Variants in UNC13D observed in about 807,000 individuals in gnomAD.
UNC13D encodes protein unc-13 homolog D.
In UNC13D, 115 loss-of-function variants were observed where a neutral mutation model predicts 151.7. The ratio of observed to expected loss-of-function variants is 0.76; its 90% CI spans 0.65 to 0.88. The LOEUF (loss-of-function observed/expected upper bound fraction) is 0.88. Among genes scored for constraint, UNC13D ranks in the 40% least tolerant of loss-of-function variants. The pLI, the probability that UNC13D is intolerant of heterozygous loss-of-function variation, is 0.00. For synonymous variants in UNC13D, 588 were observed against 612.2 expected, an observed-to-expected ratio of 0.96 and a Z score of 0.58; for missense variants, 1,369 against 1,438.7, an observed-to-expected ratio of 0.95 and a Z score of 0.78.
At chr17:75,828,393 T>G (rs1222255182) in intron 31 of UNC13D, among the ~76,000 whole-genome samples, 5 of 152,242 alleles carry the variant, frequency 3.3e-5, no homozygotes, top group Admixed American at 3.3e-4. Context: ...AACCTTTTCA[T>G]GCCTCGGTTT....
chr17:75,840,223 AC>A lies in UNC13D; in HGVS notation c.858+1del. 3 of 1,613,768 alleles carry A rather than the reference AC, an allele frequency of 1.9e-6. No homozygotes were observed. Among genetic ancestry groups the A allele is most frequent in the Non-Finnish European group, 2.5e-6 (3 of 1,179,960 alleles). On this transcript the variant is annotated splice_donor_variant, in intron 10 of 31. Coordinates refer to ENST00000207549, the MANE Select transcript of UNC13D (RefSeq NM_199242.3). LOFTEE classifies it high-confidence loss of function. The surrounding 1 kb of genome is among the most constrained non-coding windows in gnomAD (Gnocchi z 4.6). Reference sequence around the variant, plus strand: ...TGGCCACTGGCCCAGTACCCGACCTACCCGCTTATGGATGAGTTGGAACTGG... The same window carrying A: ...TGGCCACTGGCCCAGTACCCGACCTACCGCTTATGGATGAGTTGGAACTGG...
At chr17:75,835,801 C>T (rs192373745) in intron 18 of UNC13D, 24 bp from the exon 19 acceptor site, 295 of 1,613,950 alleles carry the variant, frequency 1.8e-4, no homozygotes, top group Non-Finnish European at 2.4e-4. Flanking sequence ...GTGTGGAGGG[C>T]GGGGCCCACA....
Position 75,840,983 on chromosome 17 carries a change from G to T in UNC13D, c.588C>A (p.Thr196=), listed in dbSNP as rs755016891. The change falls in exon 7 of 32, where the codon ACC becomes ACA. Residue 196 remains threonine, a synonymous_variant. Transcript: ENST00000207549. This position sits in a 1 kb window ranked among gnomAD's most constrained non-coding sequence, Gnocchi z 4.6. The part of the protein sequence containing the change: ...ETFILEFEDI[T]NASFHLDMWD... ...ACATGTCCAGATGAAAGCTCGCATT[G>T]GTGATGTCCTCAAACTCCCTGTATG... is the stretch of plus-strand genomic sequence containing the variant. 2 of 1,613,858 alleles carry T rather than the reference G, an allele frequency of 1.2e-6. No homozygotes were observed. The highest frequency in any genetic ancestry group is 1.7e-6 in the Non-Finnish European group (2 of 1,180,022).
intron 1 of UNC13D, 103 bp downstream of exon 1, chr17:75,844,118 C>T (rs1255551891): frequency 1.3e-6 from 2 of 1,530,560 alleles, no homozygotes; most frequent in Non-Finnish European, 1.8e-6. Context: ...TCGCTGGTCC[C>T]CAGTCCCAGC....
intron 30 of UNC13D, among the ~76,000 whole-genome samples, chr17:75,829,389 G>A (rs1000886861): frequency 8.5e-5 from 13 of 152,062 alleles, no homozygotes; most frequent in African/African-American, 2.7e-4. Flanking sequence ...TCCGCCTCCC[G>A]GGTTCAAGTG....
intron 23 of UNC13D, 82 bp from the exon 24 acceptor site, chr17:75,834,225 G>T: frequency 6.3e-7 from 1 of 1,590,418 alleles, no homozygotes; most frequent in Non-Finnish European, 8.5e-7. Context: ...GAGTTTAGAC[G>T]CACGAAGGGG....
chr17:75,844,233 T>G lies in UNC13D; in HGVS notation c.105A>C (p.Gln35His). The G allele has an allele frequency of 6.2e-7, 1 of 1,612,006 alleles. No individual in the cohort carries two copies. The highest frequency in any genetic ancestry group is 1.1e-5 in the South Asian group (1 of 91,086). ...RVRDLQDPPPQMAPEIQPPSH... is the reference protein window; with the variant it reads ...RVRDLQDPPPHMAPEIQPPSH... ...AGGTCACTCCTACCTCCGGGGCCAT[T>G]TGGGGCGGGGGATCCTGTAGATCTC... Residue 35 changes from glutamine to histidine, a missense_variant, in exon 1 of 32, where the codon CAA becomes CAC. Physicochemically the swap from Gln to His is conservative, Grantham distance 24. Transcript: ENST00000207549.
rs746078075 is a variant in UNC13D, at chr17:75,843,186, G to A, written c.234C>T (p.Ala78=). 6 of 1,612,312 alleles carry A rather than the reference G, an allele frequency of 3.7e-6. No individual in the cohort carries two copies. The South Asian group carries it at 6.6e-5, about 18-fold the overall frequency. ...GHPEPNHVTE[A]SELLRYLQEA... is the part of the protein sequence containing the mutation. ...CCTGCAGGTATCGCAGCAGCTCAGA[G>A]GCCTCCGTCACATGGTTGGGCTCAG... is the stretch of plus-strand genomic sequence containing the variant. Residue 78 remains alanine (A), a synonymous_variant, in exon 3 of 32, where the codon GCC becomes GCT. Transcript: ENST00000207549.
At position 75,830,171 on chromosome 17, in the gene UNC13D, T is replaced by C. The variant is rs149809768; in HGVS notation, c.2831-20A>G. 1.3e-6 allele frequency: 2 copies of C among 1,583,044 alleles called. No individual in the cohort carries two copies. Among genetic ancestry groups the C allele is most frequent in the African/African-American group, 2.7e-5 (2 of 74,024 alleles). ...TGGAGCCTGGTAAGTGGCCGGGGAG[T>C]GTGCGTCAGCTGAGGGTCTCCCAGG... On this transcript the variant is annotated intron_variant, in intron 29 of 31. Transcript: ENST00000207549.
Position 75,840,359 on chromosome 17 carries a change from C to G in UNC13D, c.754-30G>C, listed in dbSNP as rs777308467. 6.2e-7 allele frequency: 1 copy of G among 1,611,002 alleles called. No individual in the cohort carries two copies. The highest frequency in any genetic ancestry group is 1.3e-5 in the African/African-American group (1 of 74,842). On this transcript the variant is annotated intron_variant, in intron 9 of 31. Coordinates refer to ENST00000207549, the MANE Select transcript of UNC13D (RefSeq NM_199242.3). The surrounding 1 kb of genome is among the most constrained non-coding windows in gnomAD (Gnocchi z 4.6). ...CAGGCGGGGATGCCCAGCCCGTGAG[C>G]GTCAGAACCTCATAGAGTCGGGGCA...
chr17:75,827,498 G>A lies in UNC13D; in HGVS notation c.*467C>T, dbSNP rs1436079819. 6.6e-7 allele frequency: 1 copy of A among 1,518,184 alleles called. No homozygotes were observed. Among genetic ancestry groups the A allele is most frequent in the East Asian group, 2.5e-5 (1 of 40,618 alleles). The allele number at this position is 1,518,184 out of a possible 1,614,324, so 94.0% of individuals were successfully genotyped here. A position where few individuals can be genotyped will look rare whatever the true frequency, so the allele number is the denominator to read the frequency against. ...GTAATGGCCACCACCCTCCCCCCAG[G>A]GCAGCTGGAGCCTCATCTTTGGCAG... On this transcript the variant is annotated 3_prime_UTR_variant, in exon 32 of 32. Coordinates refer to ENST00000207549, the MANE Select transcript of UNC13D (RefSeq NM_199242.3).
chr17:75,830,413 G>T lies in UNC13D; in HGVS notation c.2779C>A (p.Leu927Met). 6.3e-7 allele frequency: 1 copy of T among 1,588,872 alleles called. No individual in the cohort carries two copies. Among genetic ancestry groups the T allele is most frequent in the Non-Finnish European group, 8.6e-7 (1 of 1,169,226 alleles). The change falls in exon 29 of 32, where the codon CTG (leucine) becomes ATG (methionine). Residue 927 changes from leucine to methionine, a missense_variant. By Grantham distance (15) the Leu-to-Met change is conservative. This residue lies in a region of UNC13D where 807 missense variants were observed against 795.5 expected (regional missense o/e 1.01). Transcript: ENST00000207549. ...KASYRASEQKLRVELLSASSL... is the reference protein window; with the variant it reads ...KASYRASEQKMRVELLSASSL... The stretch of plus-strand genomic sequence containing the variant: ...GAGGCGCTGAGCAGCTCCACACGCA[G>T]CTTCTGCTCAGAGGCGCGGTAGGAG...
chr17:75,831,371 C>T (rs781412638), intron 25 of UNC13D, 23 bp from the exon 26 acceptor site: 4 of 1,599,422 alleles, frequency 2.5e-6, no homozygotes, highest in East Asian at 2.2e-5. Flanking sequence ...CGGAGGGATG[C>T]GGACACAGCA....
chr17:75,828,652 A>C (rs1387381083), intron 31 of UNC13D, 135 bp downstream of exon 31: 1 of 993,666 alleles, frequency 1.0e-6, no homozygotes, highest in Non-Finnish European at 1.4e-6. Context: ...AGACCGAGAG[A>C]TGGGCCGTGG....
At position 75,828,905 on chromosome 17, in the gene UNC13D, G is replaced by A. The variant is rs144730861; in HGVS notation, c.3033C>T (p.Ala1011=). The A allele has an allele frequency of 3.1e-4, 504 of 1,606,942 alleles. No individual in the cohort carries two copies. The highest frequency in any genetic ancestry group is 3.6e-4 in the East Asian group (16 of 44,852). ...GGAAGGCCTCGCCTTCCAGGTCGTCGGCCCCCAGCGTGTCGTAGTCCAGCA... is the reference window on the plus strand; with the variant it reads ...GGAAGGCCTCGCCTTCCAGGTCGTCAGCCCCCAGCGTGTCGTAGTCCAGCA... The part of the protein sequence containing the change: ...LTVLDYDTLG[A]DDLEGEAFLP... The change falls in exon 31 of 32, where the codon GCC becomes GCT. Residue 1011 remains alanine (A), a synonymous_variant. Coordinates refer to ENST00000207549, the MANE Select transcript of UNC13D (RefSeq NM_199242.3).
At chr17:75,837,720 C>T (rs2064918397) in intron 12 of UNC13D, among the ~76,000 whole-genome samples, 1 of 146,756 alleles carries the variant, frequency 6.8e-6, no homozygotes, top group Non-Finnish European at 1.5e-5. Flanking sequence ...TGCCATGGCA[C>T]TCCAGCCTGG....
At chr17:75,837,875 G>A (rs1459249163) in intron 12 of UNC13D, among the ~76,000 whole-genome samples, 2 of 152,172 alleles carry the variant, frequency 1.3e-5, no homozygotes, top group Admixed American at 1.3e-4. Flanking sequence ...CACAAACGAG[G>A]TCCCGTGGGA....
rs2062141511 is a variant in UNC13D, at chr17:75,828,856, G to C, written c.3082C>G (p.Leu1028Val). 8 of 1,592,404 alleles carry C rather than the reference G, an allele frequency of 5.0e-6. No homozygotes were observed. Among genetic ancestry groups the C allele is most frequent in the South Asian group, 1.1e-5 (1 of 89,036 alleles). The change falls in exon 31 of 32, where the codon CTG (leucine) becomes GTG (valine). Residue 1028 changes from leucine to valine, a missense_variant. Physicochemically the swap from Leu to Val is conservative, Grantham distance 32. Around this residue, in one of 3 missense-constraint regions of UNC13D, gnomAD observed 807 missense variants for 795.5 expected, o/e 1.01. Transcript: ENST00000207549. ...AFLPLREVPG[L>V]SGSEEPGEVP... ...TCACCAGGCTCCTCAGAGCCACTCA[G>C]CCCGGGCACCTCACGCAGCGGCAGG... is the stretch of plus-strand genomic sequence containing the variant.
Position 75,843,168 on chromosome 17 carries a change from G to T in UNC13D, c.252C>A (p.Tyr84Ter). 6.2e-7 allele frequency: 1 copy of T among 1,612,090 alleles called. No individual in the cohort carries two copies. The highest frequency in any genetic ancestry group is 8.5e-7 in the Non-Finnish European group (1 of 1,179,950). Residue 84 changes from tyrosine (Y) to a stop codon, truncating the protein, a stop_gained, in exon 3 of 32, where the codon TAC becomes TAA. Coordinates refer to ENST00000207549, the MANE Select transcript of UNC13D (RefSeq NM_199242.3). LOFTEE classifies it high-confidence loss of function. ...HVTEASELLR[Y>*]LQEAFHVEPE... Reference sequence around the variant, plus strand: ...TGGGAGCCGGGCTCACCTCCTGCAGGTATCGCAGCAGCTCAGAGGCCTCCG... The same window carrying T: ...TGGGAGCCGGGCTCACCTCCTGCAGTTATCGCAGCAGCTCAGAGGCCTCCG...
Sources: gnomAD v4.1 joint callset for allele counts (sites outside exome capture counted in the v4.1 genomes callset) on GRCh38, gnomAD v4.1.1 for gene constraint, gnomAD v4.1.1 regional missense constraint, Gnocchi (gnomAD v3.1) non-coding constraint, MANE v1.5 for transcripts, NCBI Gene and HGNC (gene_info 2026-07-23, HGNC 2026-07-21) for gene names.